CBX1: variants seen among roughly 807,000 people sequenced by gnomAD.
CBX1 encodes chromobox protein homolog 1.
In CBX1, 10 loss-of-function variants were observed where a neutral mutation model predicts 25.1. The ratio of observed to expected loss-of-function variants is 0.40; its 90% CI spans 0.25 to 0.68. The LOEUF is 0.68. Ranked by LOEUF, CBX1 falls within the 30% of genes least tolerant of loss-of-function variation. The pLI is 0.40. For missense variants in CBX1, 106 were observed against 218.5 expected (o/e 0.49, Z 3.25); for synonymous variants, 63 against 79.4 (o/e 0.79, Z 1.10).
intron 1 of CBX1, chr17:48,100,791 C>T (rs1469923053): frequency 5.1e-6 from 5 of 985,436 alleles, no homozygotes; most frequent in African/African-American, 1.7e-5. Flanking sequence ...ATTCACTCGA[C>T]GTTACTCCTC....
chr17:48,080,071 C>CT (rs1201408159), intron 1 of CBX1, among the ~76,000 whole-genome samples: 1 of 152,110 alleles, frequency 6.6e-6, no homozygotes, highest in African/African-American at 2.4e-5. Context: ...GGGACACAGT[C>CT]TCCCTCTGTC....
intron 2 of CBX1, 60 bp from the exon 3 acceptor site, chr17:48,076,238 G>A: frequency 1.5e-6 from 2 of 1,302,006 alleles, no homozygotes; most frequent in East Asian, 2.5e-5. Context: ...TCATACTAAG[G>A]ATAATCGTAA....
rs1308062134 is a variant in CBX1 at position 48,083,190 on chromosome 17, T to A, written c.-37-6149A>T. On this transcript the variant is annotated intron_variant, in intron 1 of 4. Transcript: ENST00000225603. ...CTAATTTTTATTTATTTATTTATTT[T>A]TTAAAGACAGGGTTTCACTATGTCA... 2.0e-5 allele frequency among the ~76,000 whole-genome samples: 3 copies of A among 149,700 alleles called. 1 individual carries two copies. Among genetic ancestry groups the A allele is most frequent in the African/African-American group, 7.6e-5 (3 of 39,362 alleles).
intron 1 of CBX1, among the ~76,000 whole-genome samples, chr17:48,077,459 T>G (rs1210051243): frequency 1.4e-5 from 2 of 148,120 alleles, no homozygotes; most frequent in Non-Finnish European, 3.0e-5. Flanking sequence ...TTTTTGTTTT[T>G]TTTTTTTTAG....
At chr17:48,081,017 T>C (rs2037733439) in intron 1 of CBX1, among the ~76,000 whole-genome samples, 1 of 111,710 alleles carries the variant, frequency 9.0e-6, no homozygotes, top group Admixed American at 1.0e-4. Flanking sequence ...GAAAAATAAA[T>C]AGCATTTCTT....
At chr17:48,073,831 A>AAAAAAAAAAAAAAAAAAAAAAC (rs1466107570) in intron 4 of CBX1, among the ~76,000 whole-genome samples, 1 of 150,584 alleles carries the variant, frequency 6.6e-6, no homozygotes, top group African/African-American at 2.4e-5. Context: ...TCTCAAAAAA[A>AAAAAAAAAAAAAAAAAAAAAAC]AAAAAAAAAA....
chr17:48,078,059 T>A (rs1167211349), intron 1 of CBX1, among the ~76,000 whole-genome samples: 1 of 151,566 alleles, frequency 6.6e-6, no homozygotes, highest in Non-Finnish European at 1.5e-5. Context: ...GGCAACAGAG[T>A]GAGACACTGT....
At position 48,071,238 on chromosome 17, in the gene CBX1, C is replaced by T; in HGVS notation, c.*197G>A. 2 of 450,964 alleles carry T rather than the reference C, an allele frequency of 4.4e-6. No homozygotes were observed. The highest frequency in any genetic ancestry group is 1.2e-4 in the South Asian group (2 of 16,472). The allele number at this position is 450,964 out of a possible 1,614,324, so 27.9% of individuals were successfully genotyped here. On this transcript the variant is annotated 3_prime_UTR_variant, in exon 5 of 5. Transcript: ENST00000225603. ...TTGAAACACTTATCCCCTTTCCCCT[C>T]CACTGGGATGGGTGTGCAAACTATA...
Position 48,076,906 on chromosome 17 carries a change from C to T in CBX1, c.99G>A (p.Lys33=). ...ACTTTAGGAGGTACTCCACTTTGCC[C>T]TTTACCACTCGACGGTCGAGAACTT... ...VEKVLDRRVV[K]GKVEYLLKWK... is the part of the protein sequence containing the mutation. The change falls in exon 2 of 5, where the codon AAG becomes AAA. Residue 33 remains lysine (K), a synonymous_variant. Coordinates refer to ENST00000225603, the MANE Select transcript of CBX1 (RefSeq NM_001127228.2). 6.2e-7 allele frequency: 1 copy of T among 1,613,328 alleles called. No individual in the cohort carries two copies. Among genetic ancestry groups the T allele is most frequent in the Non-Finnish European group, 8.5e-7 (1 of 1,179,818 alleles).
intron 1 of CBX1, among the ~76,000 whole-genome samples, chr17:48,081,488 G>C (rs1252252330): frequency 6.6e-6 from 1 of 152,178 alleles, no homozygotes; most frequent in Non-Finnish European, 1.5e-5. Context: ...GCCCAGGCTG[G>C]AGTGCAATGG....
rs2037613127 is a variant in CBX1, at chr17:48,070,282, G to C, written c.*1153C>G. On this transcript the variant is annotated 3_prime_UTR_variant, in exon 5 of 5. Coordinates refer to ENST00000225603, the MANE Select transcript of CBX1 (RefSeq NM_001127228.2). ...TTTCTTAAAAAATTGTTTTGTGTGTGTATGTGTGTGTTTTAAAGTGAACCA... is the reference window on the plus strand; with the variant it reads ...TTTCTTAAAAAATTGTTTTGTGTGTCTATGTGTGTGTTTTAAAGTGAACCA... 6.6e-6 allele frequency: 1 copy of C among 152,652 alleles called. No individual in the cohort carries two copies. The highest frequency in any genetic ancestry group is 1.5e-5 in the Non-Finnish European group (1 of 68,054). 9.5% of individuals were successfully genotyped at this position (152,652 alleles called of 1,614,324 possible).
chr17:48,078,823 A>C (rs1598305810), intron 1 of CBX1, among the ~76,000 whole-genome samples: 5 of 76,582 alleles, frequency 6.5e-5, no homozygotes, highest in South Asian at 3.8e-4. Flanking sequence ...ACGGAGTCTC[A>C]CTCCAGCCCA....
At chr17:48,090,762 C>T (rs2063340213) in intron 1 of CBX1, among the ~76,000 whole-genome samples, 1 of 152,202 alleles carries the variant, frequency 6.6e-6, no homozygotes, top group Non-Finnish European at 1.5e-5. Flanking sequence ...GAATTCCTTC[C>T]CTAGAGCCCC....
intron 1 of CBX1, among the ~76,000 whole-genome samples, chr17:48,084,262 AGTGCAGTGGTGCTAATCATCAT>A (rs2037766639): frequency 0.015 from 1 of 66 alleles, no homozygotes; most frequent in Non-Finnish European, 0.023. Flanking sequence ...CCCAGGCTGG[AGTGCAGTGGTGCTAATCATCAT>A]GCTCACTGAA....
chr17:48,077,445 G>GTTTTTTTTTTTTTTT lies in CBX1; in HGVS notation c.-37-405_-37-404insAAAAAAAAAAAAAAA, dbSNP rs796350669. Among the ~76,000 whole-genome samples, 44 of 52,362 alleles carry GTTTTTTTTTTTTTTT rather than the reference G, an allele frequency of 8.4e-4. 1 individual carries two copies. The highest frequency in any genetic ancestry group is 0.012 in the Middle Eastern group (1 of 86). The allele number at this position is 52,362 out of a possible 152,430, so 34.4% of individuals were successfully genotyped here. On this transcript the variant is annotated intron_variant, in intron 1 of 4. Transcript: ENST00000225603. Reference sequence around the variant, plus strand: ...GCTAATTTTTGTTGTTTTTTTTTTTGTTTTTTTTGTTTTTTTTTTTTTAGT... The same window carrying GTTTTTTTTTTTTTTT: ...GCTAATTTTTGTTGTTTTTTTTTTTGTTTTTTTTTTTTTTTTTTTTTTTGTTTTTTTTTTTTTAGT...
chr17:48,100,612 A>G (rs929122897), intron 1 of CBX1: 11 of 568,192 alleles, frequency 1.9e-5, no homozygotes, highest in Middle Eastern at 9.1e-4. Flanking sequence ...TACATACCTT[A>G]TAGAAATATT....
chr17:48,086,221 CCACCCCTG>C (rs2144451198), intron 1 of CBX1, among the ~76,000 whole-genome samples: 1 of 152,322 alleles, frequency 6.6e-6, no homozygotes, highest in East Asian at 1.9e-4. Context: ...CACCCACCCT[CCACCCCTG>C]CACTGAGGAG....
intron 1 of CBX1, chr17:48,101,020 C>G: frequency 1.0e-6 from 1 of 985,712 alleles, no homozygotes. Context: ...GCTCGGCCCA[C>G]CCCCAAGCAC....
chr17:48,100,906 GCCTATCCA>G, intron 1 of CBX1: 9 of 985,630 alleles, frequency 9.1e-6, no homozygotes, highest in Non-Finnish European at 1.1e-5. Flanking sequence ...GCCTCCTCAC[GCCTATCCA>G]AGCCTCAAGC....
Sources: allele counts gnomAD v4.1 joint callset (sites outside exome capture counted in the v4.1 genomes callset), GRCh38; gene constraint gnomAD v4.1.1; transcripts MANE v1.5; gene names NCBI Gene and HGNC (gene_info 2026-07-23, HGNC 2026-07-21).